CYP7B1: variants seen among roughly 807,000 people sequenced by gnomAD.
CYP7B1 encodes cytochrome P450 family 7 subfamily B member 1.
CYP7B1 carries 29 observed loss-of-function variants against 42.7 expected under a neutral mutation model. The observed-to-expected ratio is 0.68, with a 90% CI of 0.51 to 0.93. The LOEUF (loss-of-function observed/expected upper bound fraction) is 0.93. Ranked by LOEUF, CYP7B1 falls within the 40% of genes least tolerant of loss-of-function variation. The probability of loss-of-function intolerance (pLI) is 0.00; values close to 1 mark genes in which losing one functional copy is unlikely to be tolerated. For missense variants in CYP7B1, 655 were observed against 600.5 expected (o/e 1.09, Z -0.95); for synonymous variants, 235 against 218.2 (o/e 1.08, Z -0.68).
chr8:64,647,363 T>C (rs535578169), intron 1 of CYP7B1, among the ~76,000 whole-genome samples: 148 of 152,188 alleles, frequency 9.7e-4, no homozygotes, highest in Non-Finnish European at 1.9e-3. Context: ...CACAAAGATA[T>C]GAAGTGAGCA....
At chr8:64,792,825 G>T (rs1043926952) in intron 1 of CYP7B1, among the ~76,000 whole-genome samples, 2 of 152,262 alleles carry the variant, frequency 1.3e-5, no homozygotes, top group Admixed American at 6.5e-5. Context: ...CTGTAAACGG[G>T]TTAAGAATTT....
chr8:64,753,544 C>T (rs1807761888), intron 1 of CYP7B1, among the ~76,000 whole-genome samples: 1 of 152,174 alleles, frequency 6.6e-6, no homozygotes, highest in African/African-American at 2.4e-5. Flanking sequence ...GAGGTATGCC[C>T]ATTCACGCAA....
intron 5 of CYP7B1, 122 bp from the exon 6 acceptor site, chr8:64,597,051 A>G: frequency 1.2e-6 from 1 of 831,304 alleles, no homozygotes; most frequent in Non-Finnish European, 1.8e-6. Context: ...TGAACACCAG[A>G]AAAACTTGGC....
chr8:64,753,275 G>T (rs1807757278), intron 1 of CYP7B1, among the ~76,000 whole-genome samples: 1 of 152,040 alleles, frequency 6.6e-6, no homozygotes. Context: ...TACTATCTGG[G>T]TTTGTTCTTG....
At chr8:64,757,321 A>AC (rs1319529885) in intron 1 of CYP7B1, among the ~76,000 whole-genome samples, 2 of 152,334 alleles carry the variant, frequency 1.3e-5, no homozygotes, top group Non-Finnish European at 2.9e-5. Flanking sequence ...TCATGAACTT[A>AC]GAGTCTATCA....
intron 1 of CYP7B1, among the ~76,000 whole-genome samples, chr8:64,645,971 G>A (rs1448717630): frequency 6.6e-6 from 1 of 152,186 alleles, no homozygotes; most frequent in Non-Finnish European, 1.5e-5. Context: ...TTTAATAAAT[G>A]GTGGTGGGAA....
intron 1 of CYP7B1, among the ~76,000 whole-genome samples, chr8:64,753,611 A>G (rs1192281197): frequency 6.6e-6 from 1 of 152,240 alleles, no homozygotes; most frequent in East Asian, 1.9e-4. Flanking sequence ...GAAATAGACA[A>G]GACTCTCGCC....
intron 1 of CYP7B1, among the ~76,000 whole-genome samples, chr8:64,712,845 C>T (rs1024850109): frequency 2.0e-5 from 3 of 151,328 alleles, no homozygotes; most frequent in East Asian, 3.9e-4. Context: ...ACTGTGAGGC[C>T]GAAAGAGAGA....
chr8:64,667,317 T>G (rs1806296419), intron 1 of CYP7B1, among the ~76,000 whole-genome samples: 1 of 152,082 alleles, frequency 6.6e-6, no homozygotes, highest in Non-Finnish European at 1.5e-5. Context: ...CTCGGGGGGC[T>G]CATCCACCAT....
chr8:64,740,539 AAATC>A (rs1369519110), intron 1 of CYP7B1, among the ~76,000 whole-genome samples: 2 of 151,964 alleles, frequency 1.3e-5, no homozygotes, highest in Non-Finnish European at 1.5e-5. Context: ...AAAATAGAGA[AAATC>A]AACAAAACCA....
rs1445441042 is a variant in CYP7B1, at chr8:64,596,927, C to T, written c.1236G>A (p.Glu412=). The change falls in exon 6 of 6, where the codon GAG becomes GAA. Residue 412 remains glutamate (E), a splice_region_variant and synonymous_variant. Coordinates refer to ENST00000310193, the MANE Select transcript of CYP7B1 (RefSeq NM_004820.5). ...GDPEIFEAPE[E]FRYDRFIEDG... Reference sequence around the variant, plus strand: ...CTTCTATAAAACGATCATATCTAAACTCCTGTAAGGAAGAATAGTGTTAAA... The same window carrying T: ...CTTCTATAAAACGATCATATCTAAATTCCTGTAAGGAAGAATAGTGTTAAA... 1.2e-6 allele frequency: 2 copies of T among 1,606,294 alleles called. No homozygotes were observed. Among genetic ancestry groups the T allele is most frequent in the Non-Finnish European group, 1.7e-6 (2 of 1,174,524 alleles).
At position 64,707,835 on chromosome 8, in the gene CYP7B1, T is replaced by C. The variant is rs370286049; in HGVS notation, c.123-83296A>G. Among the ~76,000 whole-genome samples, 111 of 152,258 alleles carry C rather than the reference T, an allele frequency of 7.3e-4. 3 individuals are homozygous for C. In the South Asian group the frequency reaches 0.023, roughly 31 times the overall value. ...TGGAAATTATACATAGGAAATAAGA[T>C]GTGTTTTTTAAAATAATTCACTATC... On this transcript the variant is annotated intron_variant, in intron 1 of 5. Transcript: ENST00000310193.
rs1022921973 is a variant in CYP7B1 at position 64,592,020 on chromosome 8, T to G, written c.*4622A>C. On this transcript the variant is annotated 3_prime_UTR_variant, in exon 6 of 6. Coordinates refer to ENST00000310193, the MANE Select transcript of CYP7B1 (RefSeq NM_004820.5). Reference sequence around the variant, plus strand: ...CTGATCAACATGGTGAAACCTCGTCTCCACTAAAAATACAAAAGTTGGTCA... The same window carrying G: ...CTGATCAACATGGTGAAACCTCGTCGCCACTAAAAATACAAAAGTTGGTCA... Among the ~76,000 whole-genome samples the G allele has an allele frequency of 6.6e-6, 1 of 152,004 alleles. No individual in the cohort carries two copies. The highest frequency in any genetic ancestry group is 2.4e-5 in the African/African-American group (1 of 41,378).
intron 1 of CYP7B1, among the ~76,000 whole-genome samples, chr8:64,717,201 T>A (rs1044070879): frequency 1.1e-4 from 16 of 152,236 alleles, no homozygotes; most frequent in Non-Finnish European, 2.2e-4. Context: ...CTCTTTTTTT[T>A]ATACTTTTAA....
chr8:64,753,614 C>A (rs1380120159), intron 1 of CYP7B1, among the ~76,000 whole-genome samples: 1 of 152,198 alleles, frequency 6.6e-6, no homozygotes, highest in Non-Finnish European at 1.5e-5. Context: ...ATAGACAAGA[C>A]TCTCGCCCTC....
chr8:64,688,185 A>C (rs552843317), intron 1 of CYP7B1, among the ~76,000 whole-genome samples: 1 of 152,348 alleles, frequency 6.6e-6, no homozygotes, highest in South Asian at 2.1e-4. Context: ...AGGCTGGGTC[A>C]CTACATCTGT....
intron 1 of CYP7B1, among the ~76,000 whole-genome samples, chr8:64,771,983 G>A (rs986732651): frequency 2.6e-5 from 4 of 152,124 alleles, no homozygotes; most frequent in Non-Finnish European, 5.9e-5. Flanking sequence ...GACAAGTAAT[G>A]TACACCTTCC....
At chr8:64,741,655 G>A (rs1807570955) in intron 1 of CYP7B1, among the ~76,000 whole-genome samples, 1 of 152,110 alleles carries the variant, frequency 6.6e-6, no homozygotes, top group African/African-American at 2.4e-5. Flanking sequence ...TTATAGCAAG[G>A]TTATAGGATA....
intron 1 of CYP7B1, among the ~76,000 whole-genome samples, chr8:64,783,949 A>C (rs1804476289): frequency 1.3e-5 from 2 of 152,208 alleles, no homozygotes; most frequent in South Asian, 2.1e-4. Context: ...TGTTCAATTT[A>C]ATAATTAAGA....
Sources: allele counts gnomAD v4.1 joint callset (sites outside exome capture counted in the v4.1 genomes callset), GRCh38; gene constraint gnomAD v4.1.1; transcripts MANE v1.5; gene names NCBI Gene and HGNC (gene_info 2026-07-23, HGNC 2026-07-21).